The following RRP1B variants were observed in gnomAD, a reference collection of about 807,000 sequenced individuals.
RRP1B encodes ribosomal RNA processing 1B.
A neutral mutation model predicts 80.2 loss-of-function variants in RRP1B; 56 were observed. The observed-to-expected ratio is 0.70, with a 90% CI of 0.56 to 0.87. The LOEUF (loss-of-function observed/expected upper bound fraction) is 0.87, where lower values mean the gene tolerates loss of function less well. RRP1B is among the 40% of genes least tolerant of loss of function. RRP1B has a pLI of 0.00. For missense variants in RRP1B, 807 were observed against 939.8 expected, an observed-to-expected ratio of 0.86 and a Z score of 1.85; for synonymous variants, 351 against 357.6, an observed-to-expected ratio of 0.98 and a Z score of 0.21.
chr21:43,689,964 A>T (rs1375653448), intron 13 of RRP1B, among the ~76,000 whole-genome samples: 1 of 152,278 alleles, frequency 6.6e-6, no homozygotes, highest in Non-Finnish European at 1.5e-5. Flanking sequence ...ATTCAGCTAC[A>T]AATGGGAGAG....
intron 8 of RRP1B, among the ~76,000 whole-genome samples, chr21:43,677,691 ATAGT>A: frequency 6.6e-6 from 1 of 152,328 alleles, no homozygotes; most frequent in East Asian, 1.9e-4. Flanking sequence ...TGGCTATATA[ATAGT>A]TGTGCATCTG....
Position 43,691,632 on chromosome 21 carries a change from TTTTTA to T in RRP1B, c.2083+135_2083+139del. On this transcript the variant is annotated intron_variant, in intron 15 of 15. Coordinates refer to ENST00000340648, the MANE Select transcript of RRP1B (RefSeq NM_015056.3). The surrounding 1 kb of genome is among the most constrained non-coding windows in gnomAD (Gnocchi z 4.2). Reference sequence around the variant, plus strand: ...TAGCTCCTCACTGCCCATTTCTTTATTTTTATTTTTTTTTTTTTTTTGAGACAGAG... The same window carrying T: ...TAGCTCCTCACTGCCCATTTCTTTATTTTTTTTTTTTTTTTTGAGACAGAG... 9.9e-6 allele frequency: 5 copies of T among 507,310 alleles called. No individual in the cohort carries two copies. Among genetic ancestry groups the T allele is most frequent in the Admixed American group, 4.9e-5 (1 of 20,398 alleles). 31.4% of individuals were successfully genotyped at this position (507,310 alleles called of 1,614,324 possible). A position where few individuals can be genotyped will look rare whatever the true frequency, so the allele number is the denominator to read the frequency against.
chr21:43,688,710 A>G (rs1316574404), intron 13 of RRP1B, among the ~76,000 whole-genome samples: 3 of 152,100 alleles, frequency 2.0e-5, no homozygotes, highest in Non-Finnish European at 4.4e-5. Flanking sequence ...AGCTCAAGAA[A>G]CTTCACTAGC....
intron 2 of RRP1B, among the ~76,000 whole-genome samples, chr21:43,671,376 T>C (rs1177915658): frequency 6.6e-6 from 1 of 151,288 alleles, no homozygotes; most frequent in Non-Finnish European, 1.5e-5. Flanking sequence ...TCTTTTTTTT[T>C]TTTTTTTTTT....
chr21:43,691,432 T>C lies in RRP1B; in HGVS notation c.2020-7T>C. On this transcript the variant is annotated splice_region_variant and splice_polypyrimidine_tract_variant and intron_variant, in intron 14 of 15. Transcript: ENST00000340648. The surrounding 1 kb of genome is among the most constrained non-coding windows in gnomAD (Gnocchi z 4.2). Reference sequence around the variant, plus strand: ...CTCCTTTTGTTCCTGTTATTTCTCTTCTGCAGCTAAACAAGACACCATCCA... The same window carrying C: ...CTCCTTTTGTTCCTGTTATTTCTCTCCTGCAGCTAAACAAGACACCATCCA... The C allele has an allele frequency of 4.3e-6, 7 of 1,613,816 alleles. No individual in the cohort carries two copies. Among genetic ancestry groups the C allele is most frequent in the Non-Finnish European group, 5.9e-6 (7 of 1,179,776 alleles).
chr21:43,665,855 G>T (rs531439555), intron 1 of RRP1B, among the ~76,000 whole-genome samples: 1 of 152,138 alleles, frequency 6.6e-6, no homozygotes, highest in Non-Finnish European at 1.5e-5. Flanking sequence ...GCAGAGCCTC[G>T]AGCCAAATAA....
Position 43,667,366 on chromosome 21 carries a change from A to T in RRP1B, c.131-2518A>T, listed in dbSNP as rs73367895. ...TTCAGCCACCTGAGTACTTGGGACT[A>T]CAGGCACATGCCACCATGCTCTGCC... On this transcript the variant is annotated intron_variant, in intron 1 of 15. Coordinates refer to ENST00000340648, the MANE Select transcript of RRP1B (RefSeq NM_015056.3). 7.9e-3 allele frequency among the ~76,000 whole-genome samples: 1,199 copies of T among 152,264 alleles called. 13 individuals are homozygous for T. The highest frequency in any genetic ancestry group is 0.026 in the African/African-American group (1,082 of 41,544).
intron 1 of RRP1B, among the ~76,000 whole-genome samples, chr21:43,668,438 G>T (rs1466811012): frequency 6.7e-6 from 1 of 149,426 alleles, no homozygotes; most frequent in African/African-American, 2.5e-5. Context: ...TCAGCTCACT[G>T]CAAAGTGCAA....
intron 2 of RRP1B, among the ~76,000 whole-genome samples, 182 bp downstream of exon 2, chr21:43,670,148 A>G (rs1351603573): frequency 6.6e-6 from 1 of 152,230 alleles, no homozygotes. Context: ...AGTTAGGTGA[A>G]TTGTCTTTTC....
intron 1 of RRP1B, among the ~76,000 whole-genome samples, chr21:43,669,524 A>G (rs1170095511): frequency 6.6e-6 from 1 of 152,144 alleles, no homozygotes; most frequent in Non-Finnish European, 1.5e-5. Flanking sequence ...TTTACTTCAC[A>G]AGACCAGCGA....
In RRP1B at chr21:43,691,229, G is replaced by A. The variant is rs971671713; in HGVS notation, c.2020-210G>A. On this transcript the variant is annotated intron_variant, in intron 14 of 15. Coordinates refer to ENST00000340648, the MANE Select transcript of RRP1B (RefSeq NM_015056.3). The surrounding 1 kb of genome is among the most constrained non-coding windows in gnomAD (Gnocchi z 4.2). ...GGGGGTTGCGTGTGTGGGACGCTGGGAAGGACAAAGGGCGGTCCTGGTGAA... is the reference window on the plus strand; with the variant it reads ...GGGGGTTGCGTGTGTGGGACGCTGGAAAGGACAAAGGGCGGTCCTGGTGAA... Among the ~76,000 whole-genome samples the A allele has an allele frequency of 6.6e-6, 1 of 152,226 alleles. No homozygotes were observed. Among genetic ancestry groups the A allele is most frequent in the African/African-American group, 2.4e-5 (1 of 41,458 alleles).
At chr21:43,686,474 C>G (rs2083063519) in intron 11 of RRP1B, 1 of 255,978 alleles carries the variant, frequency 3.9e-6, no homozygotes, top group Non-Finnish European at 7.7e-6. Context: ...TGAAGTTACC[C>G]CATACCCGTC....
chr21:43,692,375 C>A (rs2083090396), intron 15 of RRP1B, among the ~76,000 whole-genome samples: 1 of 152,090 alleles, frequency 6.6e-6, no homozygotes, highest in African/African-American at 2.4e-5. Flanking sequence ...CCAAGGTGGG[C>A]AGATCATGAG....
At chr21:43,684,410 T>C (rs991916758) in intron 9 of RRP1B, 143 bp from the exon 10 acceptor site, 56 of 694,920 alleles carry the variant, frequency 8.1e-5, no homozygotes, top group Admixed American at 2.1e-4. Context: ...GTGCTCCTGG[T>C]TGCCAAGTCC....
Position 43,695,426 on chromosome 21 carries a change from A to G in RRP1B, c.*2043A>G, listed in dbSNP as rs1178109598. 6.6e-6 allele frequency: 1 copy of G among 152,170 alleles called. No homozygotes were observed. The highest frequency in any genetic ancestry group is 2.4e-5 in the African/African-American group (1 of 41,426). The allele number at this position is 152,170 out of a possible 1,614,324, so 9.4% of individuals were successfully genotyped here. A position where few individuals can be genotyped will look rare whatever the true frequency, so the allele number is the denominator to read the frequency against. The stretch of plus-strand genomic sequence containing the variant: ...TATAAATGCACCTCCTGTCAAAACC[A>G]TGCCTGAGAGGTCCCGGCTGGGAGT... On this transcript the variant is annotated 3_prime_UTR_variant, in exon 16 of 16. Transcript: ENST00000340648.
intron 3 of RRP1B, among the ~76,000 whole-genome samples, chr21:43,673,634 C>CAAAAAAAA (rs557525643): frequency 3.0e-5 from 2 of 66,072 alleles, no homozygotes; most frequent in South Asian, 6.1e-4. Flanking sequence ...ACCCCGTCTC[C>CAAAAAAAA]AAAAAAAAAA....
rs113288300 is a variant in RRP1B at position 43,673,439 on chromosome 21, G to T, written c.272-431G>T. On this transcript the variant is annotated intron_variant, in intron 3 of 15. Coordinates refer to ENST00000340648, the MANE Select transcript of RRP1B (RefSeq NM_015056.3). ...ACCTGAGGTCAGGAGTTTGAGACCA[G>T]CCTGGCCAACATGGTTAAACCCCGT... Among the ~76,000 whole-genome samples, 471 of 152,212 alleles carry T rather than the reference G, an allele frequency of 3.1e-3. 2 individuals carry two copies. The highest frequency in any genetic ancestry group is 0.011 in the African/African-American group (446 of 41,538).
At chr21:43,689,258 C>CT (rs2083076825) in intron 13 of RRP1B, among the ~76,000 whole-genome samples, 1 of 152,254 alleles carries the variant, frequency 6.6e-6, no homozygotes, top group South Asian at 2.1e-4. Flanking sequence ...GAAAATAACT[C>CT]TGCCCTTCAC....
At chr21:43,670,511 G>T (rs1242194037) in intron 2 of RRP1B, among the ~76,000 whole-genome samples, 1 of 152,246 alleles carries the variant, frequency 6.6e-6, no homozygotes, top group Admixed American at 6.5e-5. Context: ...CAACACTAAA[G>T]ATGTGACTTT....
Sources: allele counts gnomAD v4.1 joint callset (sites outside exome capture counted in the v4.1 genomes callset), GRCh38; gene constraint gnomAD v4.1.1; non-coding constraint Gnocchi (gnomAD v3.1); transcripts MANE v1.5; gene names NCBI Gene and HGNC (gene_info 2026-07-23, HGNC 2026-07-21).